The following SFT2D1 variants were observed in gnomAD, a reference collection of about 807,000 sequenced individuals.
The protein encoded by SFT2D1 is SFT2 domain containing 1.
In SFT2D1, 24 loss-of-function variants were observed where a neutral mutation model predicts 28.1. The ratio of observed to expected loss-of-function variants is 0.85; its 90% confidence interval spans 0.62 to 1.20. The LOEUF (loss-of-function observed/expected upper bound fraction) is 1.20. Ranked by LOEUF, SFT2D1 falls within the 50% of genes most tolerant of loss-of-function variation. The probability of loss-of-function intolerance (pLI) is 0.00; values close to 1 mark genes in which losing one functional copy is unlikely to be tolerated. For missense variants in SFT2D1, 181 were observed against 190.9 expected (o/e 0.95, Z 0.31); for synonymous variants, 82 against 73.7 (o/e 1.11, Z -0.58).
intron 1 of SFT2D1, among the ~76,000 whole-genome samples, chr6:166,340,622 A>C (rs1027728772): frequency 2.0e-5 from 3 of 151,564 alleles, no homozygotes; most frequent in Non-Finnish European, 4.4e-5. Context: ...TGCTCACATG[A>C]CTCCCTGGCA....
rs1408420274 is a variant in SFT2D1, at chr6:166,320,261, T to C, written c.441-5A>G. 6.2e-7 allele frequency: 1 copy of C among 1,609,326 alleles called. No individual in the cohort carries two copies. On this transcript the variant is annotated splice_region_variant and splice_polypyrimidine_tract_variant and intron_variant, in intron 7 of 7. Transcript: ENST00000361731. ...CAGCATTTAATAACTGCATCCCTGG[T>C]GGAAAAGAGAGGGAAAAAAACAGAA...
chr6:166,325,559 C>T (rs1778429569), intron 5 of SFT2D1, among the ~76,000 whole-genome samples: 1 of 152,212 alleles, frequency 6.6e-6, no homozygotes, highest in Non-Finnish European at 1.5e-5. Context: ...TGTTTTCTGG[C>T]CCTCTCTATT....
intron 1 of SFT2D1, chr6:166,331,390 G>A (rs1242672457): frequency 6.6e-6 from 1 of 152,608 alleles, no homozygotes; most frequent in Non-Finnish European, 1.5e-5. Flanking sequence ...CTTACCTCAA[G>A]AGATTAATCT....
At chr6:166,336,154 AG>A (rs1417971705) in intron 1 of SFT2D1, among the ~76,000 whole-genome samples, 2 of 152,162 alleles carry the variant, frequency 1.3e-5, no homozygotes, top group Non-Finnish European at 1.5e-5. Context: ...AACTCCCCCA[AG>A]AGTGTGAAGT....
intron 1 of SFT2D1, among the ~76,000 whole-genome samples, chr6:166,333,107 C>T (rs1370793946): frequency 1.3e-5 from 2 of 152,144 alleles, no homozygotes; most frequent in Non-Finnish European, 2.9e-5. Context: ...ACTCCTTTTT[C>T]AAAATAGCAG....
chr6:166,334,623 C>A, intron 1 of SFT2D1: 1 of 191,634 alleles, frequency 5.2e-6, no homozygotes, highest in South Asian at 9.9e-5. Context: ...ACTGGAGGGC[C>A]GACTGTGGAA....
At chr6:166,329,720 T>A in intron 2 of SFT2D1, 131 bp from the exon 3 acceptor site, 2 of 697,832 alleles carry the variant, frequency 2.9e-6, no homozygotes, top group Non-Finnish European at 4.6e-6. Context: ...TTGTAGACAG[T>A]CTAGTCTGAT....
At chr6:166,325,271 C>A (rs939931738) in intron 5 of SFT2D1, among the ~76,000 whole-genome samples, 4 of 151,324 alleles carry the variant, frequency 2.6e-5, no homozygotes, top group Non-Finnish European at 5.9e-5. Context: ...CTTACATCAT[C>A]AAAATAAAAA....
At chr6:166,329,342 C>A (rs140534450) in intron 3 of SFT2D1, among the ~76,000 whole-genome samples, 165 bp downstream of exon 3, 1 of 152,172 alleles carries the variant, frequency 6.6e-6, no homozygotes. Flanking sequence ...TTATGGGAGA[C>A]GGCATACAGC....
At chr6:166,333,400 CA>C (rs1778586669) in intron 1 of SFT2D1, among the ~76,000 whole-genome samples, 2 of 152,204 alleles carry the variant, frequency 1.3e-5, no homozygotes, top group South Asian at 2.1e-4. Flanking sequence ...CAGCCCAGGG[CA>C]GTCTTCCTGC....
In SFT2D1 at chr6:166,335,495, C is replaced by T. The variant is rs115721809; in HGVS notation, c.64-5248G>A. ...CAAATTTTACTTTACTTTACAAAAC[C>T]AAGGTGGCTACGGTGGTTCCAGTAG... On this transcript the variant is annotated intron_variant, in intron 1 of 7. Transcript: ENST00000361731. 2,469 of 509,966 alleles carry T rather than the reference C, an allele frequency of 4.8e-3. 49 individuals are homozygous for T. The highest frequency in any genetic ancestry group is 0.043 in the African/African-American group (2,206 of 51,568). 31.6% of individuals were successfully genotyped at this position (509,966 alleles called of 1,614,324 possible). A position where few individuals can be genotyped will look rare whatever the true frequency, so the allele number is the denominator to read the frequency against.
intron 5 of SFT2D1, chr6:166,325,904 C>G (rs1004862903): frequency 3.5e-6 from 2 of 565,790 alleles, no homozygotes. Context: ...GGTGGGTGAG[C>G]ATGTGTGCAC....
At chr6:166,329,895 A>G (rs1401315149) in intron 2 of SFT2D1, among the ~76,000 whole-genome samples, 1 of 152,212 alleles carries the variant, frequency 6.6e-6, no homozygotes, top group African/African-American at 2.4e-5. Context: ...TGAAAAGGTA[A>G]TAAACATCTA....
chr6:166,339,789 T>A (rs1778739485), intron 1 of SFT2D1, among the ~76,000 whole-genome samples: 1 of 152,164 alleles, frequency 6.6e-6, no homozygotes. Flanking sequence ...TTTGCCGGCT[T>A]CTGCTCATCC....
chr6:166,341,735 G>A (rs950841729), intron 1 of SFT2D1, among the ~76,000 whole-genome samples: 2 of 151,864 alleles, frequency 1.3e-5, no homozygotes, highest in Non-Finnish European at 2.9e-5. Flanking sequence ...TTACACCGCA[G>A]TTCCTGCTCC....
At chr6:166,331,794 C>T (rs571371288) in intron 1 of SFT2D1, among the ~76,000 whole-genome samples, 7 of 152,292 alleles carry the variant, frequency 4.6e-5, no homozygotes, top group African/African-American at 1.4e-4. Context: ...ATGTATATAA[C>T]TTTTATTTGT....
At chr6:166,325,863 T>G in intron 5 of SFT2D1, 1 of 533,662 alleles carries the variant, frequency 1.9e-6, no homozygotes, top group Non-Finnish European at 3.4e-6. Flanking sequence ...CTGCAGACAG[T>G]AGAATCTATG....
At chr6:166,329,210 G>A (rs1429673869) in intron 3 of SFT2D1, among the ~76,000 whole-genome samples, 3 of 152,104 alleles carry the variant, frequency 2.0e-5, no homozygotes, top group East Asian at 1.9e-4. Flanking sequence ...AGTTATAAAC[G>A]GGGATGATAA....
intron 1 of SFT2D1, among the ~76,000 whole-genome samples, chr6:166,340,208 CCA>C (rs1394392162): frequency 1.3e-5 from 2 of 152,162 alleles, no homozygotes; most frequent in African/African-American, 4.8e-5. Context: ...CTGATTTGAG[CCA>C]CAGTCATCTC....
Sources: gnomAD v4.1 joint callset for allele counts (sites outside exome capture counted in the v4.1 genomes callset) on GRCh38, gnomAD v4.1.1 for gene constraint, MANE v1.5 for transcripts, NCBI Gene and HGNC (gene_info 2026-07-23, HGNC 2026-07-21) for gene names.